Variants in MOCOS observed in about 807,000 individuals in gnomAD.
MOCOS encodes human molybdenum cofactor sulfurase.
Under a neutral mutation model 83.6 loss-of-function variants are expected in MOCOS, and 86 were observed. The observed-to-expected ratio is 1.03, with a 90% CI of 0.86 to 1.23. MOCOS has a LOEUF of 1.23. Ranked by LOEUF, MOCOS falls within the 50% of genes most tolerant of loss-of-function variation. MOCOS has a pLI of 0.00. For synonymous variants in MOCOS, 445 were observed against 434.7 expected, an observed-to-expected ratio of 1.02 and a Z score of -0.29; for missense variants, 1,120 against 1,126.9, an observed-to-expected ratio of 0.99 and a Z score of 0.09.
chr18:36,200,212 G>T lies in MOCOS; in HGVS notation c.829G>T (p.Val277Phe). The T allele has an allele frequency of 6.2e-7, 1 of 1,614,224 alleles. No homozygotes were observed. Among genetic ancestry groups the T allele is most frequent in the African/African-American group, 1.3e-5 (1 of 75,046 alleles). ...TCCTACAGGCCTGGGCGCTCTGCTG[G>T]TCCATAATCGTGCGGCTCCTCTACT... ...GFPTGLGALL[V>F]HNRAAPLLRK... Residue 277 changes from valine to phenylalanine, a missense_variant, in exon 4 of 15, where the codon GTC (valine) becomes TTC (phenylalanine). Val to Phe is a conservative substitution (Grantham distance 50). Transcript: ENST00000261326.
chr18:36,246,959 T>C (rs1000381294), intron 9 of MOCOS, among the ~76,000 whole-genome samples: 1 of 151,018 alleles, frequency 6.6e-6, no homozygotes, highest in African/African-American at 2.4e-5. Flanking sequence ...TCAGGGCAAG[T>C]AGAGAGAAAC....
intron 9 of MOCOS, among the ~76,000 whole-genome samples, chr18:36,225,046 A>G (rs1322255159): frequency 6.6e-6 from 1 of 152,144 alleles, no homozygotes; most frequent in Non-Finnish European, 1.5e-5. Context: ...GTTGGCATAT[A>G]GTTGTTTATA....
intron 9 of MOCOS, among the ~76,000 whole-genome samples, chr18:36,225,930 CT>C (rs76941554): frequency 0.016 from 2,044 of 130,296 alleles, 13 homozygotes; most frequent in Admixed American, 0.027. Context: ...AATTCATTGT[CT>C]TTTTTTTTTT....
In MOCOS at chr18:36,271,410, A is replaced by G. The variant is rs545804827; in HGVS notation, c.*2725A>G. The G allele has an allele frequency of 1.3e-5, 2 of 152,200 alleles. No homozygotes were observed. The highest frequency in any genetic ancestry group is 6.5e-5 in the Admixed American group (1 of 15,300). 9.4% of individuals were successfully genotyped at this position (152,200 alleles called of 1,614,324 possible). On this transcript the variant is annotated 3_prime_UTR_variant, in exon 15 of 15. Coordinates refer to ENST00000261326, the MANE Select transcript of MOCOS (RefSeq NM_017947.4). ...TAAATGCATTTTTTCTTTAGTGTCTACCTTCAATATTTCTTGTATGAAGTT... is the reference window on the plus strand; with the variant it reads ...TAAATGCATTTTTTCTTTAGTGTCTGCCTTCAATATTTCTTGTATGAAGTT...
At chr18:36,210,069 A>G (rs2144910944) in intron 6 of MOCOS, among the ~76,000 whole-genome samples, 1 of 152,184 alleles carries the variant, frequency 6.6e-6, no homozygotes, top group African/African-American at 2.4e-5. Flanking sequence ...TTTTGTGTCT[A>G]TGTTCATCAT....
chr18:36,255,100 G>A lies in MOCOS; in HGVS notation c.2165-1868G>A, dbSNP rs547131793. On this transcript the variant is annotated intron_variant, in intron 11 of 14. Transcript: ENST00000261326. ...AACTTTTGAAAAATAATTATTAAAC[G>A]TAAGAAAAAAATTAGCGAAAATGAG... Among the ~76,000 whole-genome samples, 20 of 152,164 alleles carry A rather than the reference G, an allele frequency of 1.3e-4. 1 individual carries two copies. Among genetic ancestry groups the A allele is most frequent in the East Asian group, 9.7e-4 (5 of 5,174 alleles).
chr18:36,201,125 C>T (rs1253572715), intron 4 of MOCOS, among the ~76,000 whole-genome samples: 3 of 152,126 alleles, frequency 2.0e-5, no homozygotes, highest in Non-Finnish European at 4.4e-5. Flanking sequence ...GTTGGGTAGG[C>T]AACTAATCAC....
At chr18:36,260,292 C>A in intron 13 of MOCOS, 117 bp downstream of exon 13, 2 of 1,363,264 alleles carry the variant, frequency 1.5e-6, no homozygotes, top group Non-Finnish European at 2.1e-6. Flanking sequence ...CTCTTAACTA[C>A]AAAATCTTGG....
intron 9 of MOCOS, among the ~76,000 whole-genome samples, chr18:36,234,466 T>G (rs115625690): frequency 0.012 from 1,863 of 152,334 alleles, 42 homozygotes; most frequent in African/African-American, 0.042. Flanking sequence ...GGTAATGTGA[T>G]GCCTTCAGAT....
chr18:36,207,768 C>T (rs896472795), intron 6 of MOCOS, among the ~76,000 whole-genome samples: 3 of 152,110 alleles, frequency 2.0e-5, no homozygotes, highest in African/African-American at 7.2e-5. Context: ...TTGATAGTTT[C>T]TTTTGCTGTG....
chr18:36,242,397 A>T (rs1331883035), intron 9 of MOCOS, among the ~76,000 whole-genome samples: 2 of 152,222 alleles, frequency 1.3e-5, no homozygotes, highest in South Asian at 2.1e-4. Flanking sequence ...GGTCAAAACC[A>T]TTCAACAAGT....
chr18:36,188,482 T>A (rs576679494), intron 1 of MOCOS, among the ~76,000 whole-genome samples: 5 of 152,332 alleles, frequency 3.3e-5, no homozygotes, highest in South Asian at 4.1e-4. Context: ...GACTCATCCC[T>A]CTGCCAGGGA....
At chr18:36,251,913 C>T (rs2091623611) in intron 11 of MOCOS, among the ~76,000 whole-genome samples, 1 of 152,196 alleles carries the variant, frequency 6.6e-6, no homozygotes, top group Admixed American at 6.5e-5. Context: ...GAACAGCACC[C>T]TGTACCTGAA....
intron 13 of MOCOS, among the ~76,000 whole-genome samples, chr18:36,264,850 T>A (rs1220083517): frequency 6.6e-6 from 1 of 152,118 alleles, no homozygotes; most frequent in African/African-American, 2.4e-5. Context: ...TTATTGCTAA[T>A]TGAAAACTTT....
At chr18:36,201,633 A>C (rs1191435507) in intron 4 of MOCOS, among the ~76,000 whole-genome samples, 2 of 139,132 alleles carry the variant, frequency 1.4e-5, no homozygotes, top group Non-Finnish European at 3.1e-5. Flanking sequence ...ACTGCACTCT[A>C]GCCCTGGTGA....
In MOCOS at chr18:36,260,148, G is replaced by T. The variant is rs1481184997; in HGVS notation, c.2382G>T (p.Glu794Asp). 2 of 1,614,178 alleles carry T rather than the reference G, an allele frequency of 1.2e-6. No individual in the cohort carries two copies. Among genetic ancestry groups the T allele is most frequent in the Non-Finnish European group, 1.7e-6 (2 of 1,180,024 alleles). ...CTTTTGAAGAAGAGAAATGGGATGA[G>T]ATTTCAATTGGCTCTTTGCGTTTCC... ...KRAFEEEKWD[E>D]ISIGSLRFQV... Residue 794 changes from glutamate (E) to aspartate (D), a missense_variant, in exon 13 of 15, where the codon GAG (glutamate) becomes GAT (aspartate). Transcript: ENST00000261326.
chr18:36,219,947 A>T, intron 8 of MOCOS, 108 bp from the exon 9 acceptor site: 1 of 1,337,698 alleles, frequency 7.5e-7, no homozygotes. Context: ...CTTCCAGTGT[A>T]GGTGCTGAAT....
intron 11 of MOCOS, among the ~76,000 whole-genome samples, chr18:36,256,491 C>A (rs924122318): frequency 1.3e-5 from 2 of 151,164 alleles, no homozygotes; most frequent in African/African-American, 4.9e-5. Context: ...GCTGTGTCAC[C>A]CAGGCTAGAG....
At chr18:36,207,094 T>C (rs980308424) in intron 6 of MOCOS, among the ~76,000 whole-genome samples, 3 of 152,230 alleles carry the variant, frequency 2.0e-5, no homozygotes, top group Non-Finnish European at 4.4e-5. Context: ...TGGAGTGCAG[T>C]GGAGCAATCT....
Sources: allele counts gnomAD v4.1 joint callset (sites outside exome capture counted in the v4.1 genomes callset), GRCh38; gene constraint gnomAD v4.1.1; transcripts MANE v1.5; gene names NCBI Gene and HGNC (gene_info 2026-07-23, HGNC 2026-07-21).